NAV3: variants seen among roughly 807,000 people sequenced by gnomAD.
NAV3 encodes neuron navigator 3, also known as pore membrane and/or filament interacting like protein 1.
NAV3 carries 87 observed loss-of-function variants against 244.7 expected under a neutral mutation model. The ratio of observed to expected loss-of-function variants is 0.36; its 90% CI spans 0.30 to 0.42. NAV3 has a LOEUF of 0.42. NAV3 is among the 20% of genes least tolerant of loss of function. NAV3 has a pLI of 1.00. For missense variants in NAV3, 2,663 were observed against 2,893.3 expected, an observed-to-expected ratio of 0.92 and a Z score of 1.83; for synonymous variants, 1,126 against 1,042.2, an observed-to-expected ratio of 1.08 and a Z score of -1.55.
In NAV3 at chr12:77,753,309, A is replaced by AT. The variant is rs200882083; in HGVS notation, c.72+181051dup. ...CTTGCACATTGTAGGCACCTAATGC[A>AT]TTTTTTTTCAATTGAAATTTATGAC... On this transcript the variant is annotated intron_variant, in intron 2 of 8. Transcript: ENST00000550042. 1.2e-4 allele frequency among the ~76,000 whole-genome samples: 19 copies of AT among 152,076 alleles called. No individual in the cohort carries two copies. In the East Asian group the frequency reaches 3.5e-3, roughly 28 times the overall value.
At chr12:78,151,683 T>C (rs978858255) in intron 22 of NAV3, among the ~76,000 whole-genome samples, 41 of 151,858 alleles carry the variant, frequency 2.7e-4, no homozygotes, top group African/African-American at 9.6e-4. Context: ...TTTAGTTTTG[T>C]ATTTTGAATG....
intron 22 of NAV3, among the ~76,000 whole-genome samples, chr12:78,157,795 G>C (rs1413651594): frequency 6.6e-6 from 1 of 151,780 alleles, no homozygotes; most frequent in Non-Finnish European, 1.5e-5. Context: ...GTGAGAGAGA[G>C]AGAGAGAAGA....
chr12:77,750,310 G>A (rs1272161464), intron 2 of NAV3, among the ~76,000 whole-genome samples: 3 of 152,058 alleles, frequency 2.0e-5, no homozygotes, highest in African/African-American at 4.8e-5. Context: ...CTGAGATCAC[G>A]CCACTGCACT....
chr12:77,614,578 C>G (rs941101405), intron 2 of NAV3, among the ~76,000 whole-genome samples: 1 of 152,006 alleles, frequency 6.6e-6, no homozygotes, highest in African/African-American at 2.4e-5. Context: ...AATCAGTATT[C>G]AAAAACAAAT....
intron 1 of NAV3, among the ~76,000 whole-genome samples, chr12:77,919,719 G>T (rs1305528289): frequency 6.6e-6 from 1 of 151,952 alleles, no homozygotes; most frequent in Admixed American, 6.6e-5. Context: ...ATGAGAATAG[G>T]CATGCTTTCA....
intron 2 of NAV3, among the ~76,000 whole-genome samples, chr12:77,667,425 C>T (rs930757599): frequency 6.6e-6 from 1 of 152,092 alleles, no homozygotes; most frequent in Non-Finnish European, 1.5e-5. Context: ...GGGAGTAAGA[C>T]CAGCCTTTAT....
chr12:78,184,323 T>C lies in NAV3; in HGVS notation c.5693-1278T>C, dbSNP rs1384652517. 2.6e-5 allele frequency among the ~76,000 whole-genome samples: 4 copies of C among 151,876 alleles called. No homozygotes were observed. The South Asian group carries it at 8.3e-4, about 31-fold the overall frequency. On this transcript the variant is annotated intron_variant, in intron 30 of 39. Coordinates refer to ENST00000397909, the MANE Select transcript of NAV3 (RefSeq NM_001024383.2). ...GATCACAAACTACCAGAAGTCTAGA[T>C]GTGAATAGCCAATGGTAAACCACTC...
chr12:77,620,064 G>A lies in NAV3; in HGVS notation c.72+47798G>A, dbSNP rs532975731. The stretch of plus-strand genomic sequence containing the variant: ...TTAAGGAGTCTTTTCATTTGGAGAG[G>A]ACTTTTTAGAACAAGTAATAAAAAT... On this transcript the variant is annotated intron_variant, in intron 2 of 8. Coordinates refer to the NAV3 transcript ENST00000550042. Among the ~76,000 whole-genome samples the A allele has an allele frequency of 5.3e-5, 8 of 152,202 alleles. No homozygotes were observed. The East Asian group carries it at 1.5e-3, about 29-fold the overall frequency.
At position 77,639,263 on chromosome 12, in the gene NAV3, A is replaced by G. The variant is rs74956727; in HGVS notation, c.72+66997A>G. On this transcript the variant is annotated intron_variant, in intron 2 of 8. Coordinates refer to the NAV3 transcript ENST00000550042. Reference sequence around the variant, plus strand: ...TGTCCTTCATTCATTAACTTAGCCAACAATTTAGTCAGGTGTACTTGTCTA... The same window carrying G: ...TGTCCTTCATTCATTAACTTAGCCAGCAATTTAGTCAGGTGTACTTGTCTA... Among the ~76,000 whole-genome samples the G allele has an allele frequency of 7.3e-3, 1,113 of 152,338 alleles. 18 individuals are homozygous for G. The highest frequency in any genetic ancestry group is 0.026 in the African/African-American group (1,063 of 41,574).
chr12:78,054,325 G>A (rs1359905014), intron 11 of NAV3, among the ~76,000 whole-genome samples: 1 of 152,152 alleles, frequency 6.6e-6, no homozygotes, highest in Non-Finnish European at 1.5e-5. Flanking sequence ...TCTCTTAACT[G>A]AGAGTCATGG....
At chr12:77,659,659 A>G (rs975070816) in intron 2 of NAV3, among the ~76,000 whole-genome samples, 28 of 152,324 alleles carry the variant, frequency 1.8e-4, no homozygotes, top group Middle Eastern at 3.4e-3. Context: ...ACACATGCAC[A>G]TGTATGTTTA....
upstream of NAV3, among the ~76,000 whole-genome samples, chr12:77,829,014 G>T (rs1275783551): frequency 6.6e-6 from 1 of 152,184 alleles, no homozygotes; most frequent in East Asian, 1.9e-4. Flanking sequence ...TTATAACCTT[G>T]GGTGGGCAAA....
intron 2 of NAV3, among the ~76,000 whole-genome samples, chr12:77,588,372 G>A (rs1195410030): frequency 6.6e-6 from 1 of 152,016 alleles, no homozygotes; most frequent in Non-Finnish European, 1.5e-5. Flanking sequence ...TCCTGCCTTG[G>A]CCTCCTAAAG....
At chr12:77,819,477 A>G (rs1014698367) in intron 2 of NAV3, among the ~76,000 whole-genome samples, 1 of 151,722 alleles carries the variant, frequency 6.6e-6, no homozygotes, top group Non-Finnish European at 1.5e-5. Flanking sequence ...AAGTTTGTGA[A>G]ACTTCTTCAA....
At chr12:77,963,847 C>G (rs1312318992) in intron 3 of NAV3, among the ~76,000 whole-genome samples, 1 of 140,464 alleles carries the variant, frequency 7.1e-6, no homozygotes, top group Non-Finnish European at 1.5e-5. Flanking sequence ...TTCCTTCCTT[C>G]CTTCCCTCCC....
chr12:78,090,691 C>T (rs1253513104), intron 12 of NAV3, among the ~76,000 whole-genome samples: 2 of 151,974 alleles, frequency 1.3e-5, no homozygotes, highest in Admixed American at 1.3e-4. Context: ...TTAAGTTTTT[C>T]AGGAACAAAA....
chr12:78,188,458 C>T (rs1454196083), intron 32 of NAV3, 115 bp downstream of exon 32: 31 of 1,185,250 alleles, frequency 2.6e-5, no homozygotes, highest in Non-Finnish European at 3.7e-5. Context: ...ATAAGGAAAG[C>T]TTTCTGTTTG....
chr12:77,747,252 T>C (rs974462345), intron 2 of NAV3, among the ~76,000 whole-genome samples: 1 of 152,202 alleles, frequency 6.6e-6, no homozygotes, highest in Non-Finnish European at 1.5e-5. Context: ...AAGTGTCTGT[T>C]CATATCCTTC....
At chr12:78,194,606 TCAC>T (rs1959123514) in intron 34 of NAV3, among the ~76,000 whole-genome samples, 1 of 152,042 alleles carries the variant, frequency 6.6e-6, no homozygotes, top group Non-Finnish European at 1.5e-5. Context: ...ACATGTTAAA[TCAC>T]CATTGTGACT....
Sources: gnomAD v4.1 joint callset for allele counts (sites outside exome capture counted in the v4.1 genomes callset) on GRCh38, gnomAD v4.1.1 for gene constraint, MANE v1.5 for transcripts, NCBI Gene and HGNC (gene_info 2026-07-23, HGNC 2026-07-21) for gene names.